DLAT: variants seen among roughly 807,000 people sequenced by gnomAD.
The protein encoded by DLAT is dihydrolipoyllysine-residue acetyltransferase component of pyruvate dehydrogenase complex, mitochondrial.
DLAT carries 43 observed loss-of-function variants against 68.0 expected under a neutral mutation model. The observed-to-expected ratio is 0.63, with a 90% CI of 0.50 to 0.81. The LOEUF is 0.81. Ranked by LOEUF, DLAT falls within the 40% of genes least tolerant of loss-of-function variation. DLAT has a pLI of 0.00. For missense variants in DLAT, 745 were observed against 815.4 expected (o/e 0.91, Z 1.05); for synonymous variants, 265 against 288.6 (o/e 0.92, Z 0.83).
At chr11:112,030,533 G>A (rs1862336806) in intron 4 of DLAT, among the ~76,000 whole-genome samples, 1 of 152,186 alleles carries the variant, frequency 6.6e-6, no homozygotes, top group Admixed American at 6.5e-5. Flanking sequence ...AGTGGGTGAA[G>A]TAGTCCAATA....
At chr11:112,046,065 A>G (rs779009946) in intron 10 of DLAT, 95 bp downstream of exon 10, 42 of 728,984 alleles carry the variant, frequency 5.8e-5, no homozygotes, top group Middle Eastern at 3.7e-4. Context: ...TTGTTACAAT[A>G]TATCAGTTGG....
Position 112,064,372 on chromosome 11 carries a change from T to C in DLAT, c.*1837T>C. 1.6e-6 allele frequency: 1 copy of C among 634,246 alleles called. No individual in the cohort carries two copies. 39.3% of individuals were successfully genotyped at this position (634,246 alleles called of 1,614,324 possible). ...TTTGGTTCATATGATTATTTAAAAA[T>C]TAAAGTATAAATCTTCAATATGTCT... On this transcript the variant is annotated 3_prime_UTR_variant, in exon 14 of 14. Transcript: ENST00000280346.
Position 112,051,202 on chromosome 11 carries a change from AGAAG to A in DLAT, c.1399-31_1399-28del. 7.1e-7 allele frequency: 1 copy of A among 1,410,730 alleles called. No homozygotes were observed. The highest frequency in any genetic ancestry group is 9.8e-7 in the Non-Finnish European group (1 of 1,015,852). 87.4% of individuals were successfully genotyped at this position (1,410,730 alleles called of 1,614,324 possible). A position where few individuals can be genotyped will look rare whatever the true frequency, so the allele number is the denominator to read the frequency against. ...TTAAAATTAAAATTAAAATTAAAAA[AGAAG>A]AAACTACAGTTCTTCTTGTCTTTCC... On this transcript the variant is annotated intron_variant, in intron 10 of 13. Transcript: ENST00000280346. This position sits in a 1 kb window ranked among gnomAD's most constrained non-coding sequence, Gnocchi z 4.3.
In DLAT at chr11:112,033,523, C is replaced by T; in HGVS notation, c.780C>T (p.Ala260=). ...DLLAEIETDK[A]TIGFEVQEEG... Reference sequence around the variant, plus strand: ...TGGCAGAGATAGAAACTGACAAAGCCACTATAGGTGAGATTTCTTCAGCTC... The same window carrying T: ...TGGCAGAGATAGAAACTGACAAAGCTACTATAGGTGAGATTTCTTCAGCTC... Residue 260 remains alanine (A), a synonymous_variant, in exon 5 of 14, where the codon GCC becomes GCT. Coordinates refer to ENST00000280346, the MANE Select transcript of DLAT (RefSeq NM_001931.5). 1 of 1,613,694 alleles carries T rather than the reference C, an allele frequency of 6.2e-7. No homozygotes were observed. Among genetic ancestry groups the T allele is most frequent in the Non-Finnish European group, 8.5e-7 (1 of 1,179,792 alleles).
Position 112,025,771 on chromosome 11 carries a change from T to C in DLAT, c.279+20T>C. 6.2e-7 allele frequency: 1 copy of C among 1,612,544 alleles called. No individual in the cohort carries two copies. Among genetic ancestry groups the C allele is most frequent in the Non-Finnish European group, 8.5e-7 (1 of 1,179,760 alleles). ...CAGAAGGTGAGCCCTAGACCCCCCT[T>C]CTCGGGACCCCGTTGTCCTTCAGAG... On this transcript the variant is annotated intron_variant, in intron 1 of 13. Coordinates refer to ENST00000280346, the MANE Select transcript of DLAT (RefSeq NM_001931.5).
chr11:112,064,299 G>A lies in DLAT; in HGVS notation c.*1764G>A, dbSNP rs1555183623. The A allele has an allele frequency of 3.2e-5, 40 of 1,241,204 alleles. No individual in the cohort carries two copies. The highest frequency in any genetic ancestry group is 4.3e-5 in the Non-Finnish European group (39 of 917,310). 76.9% of individuals were successfully genotyped at this position (1,241,204 alleles called of 1,614,324 possible). A position where few individuals can be genotyped will look rare whatever the true frequency, so the allele number is the denominator to read the frequency against. ...ATTAATCTGAGCTATAATCTAAATCGATTCAGTCTCTTACCAGAACTGAAA... is the reference window on the plus strand; with the variant it reads ...ATTAATCTGAGCTATAATCTAAATCAATTCAGTCTCTTACCAGAACTGAAA... On this transcript the variant is annotated 3_prime_UTR_variant, in exon 14 of 14. Transcript: ENST00000280346.
intron 4 of DLAT, chr11:112,029,862 C>T (rs2137706061): frequency 3.3e-6 from 2 of 615,348 alleles, no homozygotes; most frequent in Non-Finnish European, 3.2e-6. Flanking sequence ...TTGAGATCAC[C>T]ACAGTAGTTT....
At chr11:112,035,066 G>A (rs1176414839) in intron 5 of DLAT, among the ~76,000 whole-genome samples, 3 of 152,024 alleles carry the variant, frequency 2.0e-5, no homozygotes, top group Admixed American at 6.6e-5. Context: ...ATAAGCCACC[G>A]CACCCAGCCT....
At position 112,062,660 on chromosome 11, in the gene DLAT, G is replaced by A; in HGVS notation, c.*125G>A. On this transcript the variant is annotated 3_prime_UTR_variant, in exon 14 of 14. Transcript: ENST00000280346. ...TTATTTTTATTATTGAGTCTGTCCAGATAAGTTATTTATAATGGGCATTAC... is the reference window on the plus strand; with the variant it reads ...TTATTTTTATTATTGAGTCTGTCCAAATAAGTTATTTATAATGGGCATTAC... 8.6e-7 allele frequency: 1 copy of A among 1,166,490 alleles called. No homozygotes were observed. The highest frequency in any genetic ancestry group is 1.4e-5 in the South Asian group (1 of 73,660). 72.3% of individuals were successfully genotyped at this position (1,166,490 alleles called of 1,614,324 possible). A position where few individuals can be genotyped will look rare whatever the true frequency, so the allele number is the denominator to read the frequency against.
chr11:112,026,699 C>T (rs1440812099), intron 2 of DLAT, among the ~76,000 whole-genome samples: 1 of 152,176 alleles, frequency 6.6e-6, no homozygotes, highest in South Asian at 2.1e-4. Context: ...AATGAAAAGT[C>T]TCCCATGTCT....
At position 112,050,651 on chromosome 11, in the gene DLAT, C is replaced by T. The variant is rs1442729969; in HGVS notation, c.1399-583C>T. On this transcript the variant is annotated intron_variant, in intron 10 of 13. Transcript: ENST00000280346. ...ATAGTATTCCCTATAATTCTTTTTA[C>T]TTCTGTAAGGTAGATAGTAATGTCC... 4.6e-5 allele frequency among the ~76,000 whole-genome samples: 7 copies of T among 152,198 alleles called. No homozygotes were observed. In the East Asian group the frequency reaches 1.2e-3, roughly 25 times the overall value.
Position 112,050,274 on chromosome 11 carries a change from G to A in DLAT, c.1399-960G>A, listed in dbSNP as rs142559272. 2.8e-3 allele frequency among the ~76,000 whole-genome samples: 420 copies of A among 150,084 alleles called. 2 individuals carry two copies. The highest frequency in any genetic ancestry group is 9.5e-3 in the African/African-American group (388 of 41,000). On this transcript the variant is annotated intron_variant, in intron 10 of 13. Coordinates refer to ENST00000280346, the MANE Select transcript of DLAT (RefSeq NM_001931.5). ...ATATTGCTGGATTTTATTTGCTAGC[G>A]TTTTGTTGAAGATTTTTACATCTAT...
In DLAT at chr11:112,057,439, T is replaced by C. The variant is rs372629494; in HGVS notation, c.1515-2464T>C. 1.2e-3 allele frequency among the ~76,000 whole-genome samples: 185 copies of C among 152,274 alleles called. 4 individuals carry two copies. In the South Asian group the frequency reaches 0.022, roughly 18 times the overall value. On this transcript the variant is annotated intron_variant, in intron 11 of 13. Coordinates refer to ENST00000280346, the MANE Select transcript of DLAT (RefSeq NM_001931.5). ...CCTCTTGTGCCAAACAGCCAACTTG[T>C]GAATACAAAGAAAAAGCTCTTGAAA...
At position 112,062,710 on chromosome 11, in the gene DLAT, C is replaced by G. The variant is rs1385152811; in HGVS notation, c.*175C>G. 6 of 701,990 alleles carry G rather than the reference C, an allele frequency of 8.5e-6. No homozygotes were observed. In the East Asian group the frequency reaches 1.8e-4, roughly 20 times the overall value. 43.5% of individuals were successfully genotyped at this position (701,990 alleles called of 1,614,324 possible). A position where few individuals can be genotyped will look rare whatever the true frequency, so the allele number is the denominator to read the frequency against. The stretch of plus-strand genomic sequence containing the variant: ...CTGAATTTTTAAAATGCCGATTACA[C>G]CCAAATATTGTGCACATTTAATAAT... On this transcript the variant is annotated 3_prime_UTR_variant, in exon 14 of 14. Transcript: ENST00000280346.
At chr11:112,034,439 T>A (rs1410919771) in intron 5 of DLAT, among the ~76,000 whole-genome samples, 1 of 151,440 alleles carries the variant, frequency 6.6e-6, no homozygotes, top group African/African-American at 2.4e-5. Context: ...ATATATTTAT[T>A]ATTATTATTT....
Position 112,043,512 on chromosome 11 carries a change from T to C in DLAT, c.1176T>C (p.Phe392=), listed in dbSNP as rs999942925. ...TCACCAAGAAGGATATCGACTCTTT[T>C]GTGCCTAGTAAAGTTGCTCCTGTGA... is the stretch of plus-strand genomic sequence containing the variant. The part of the protein sequence containing the change: ...GRITKKDIDS[F]VPSKVAPAPA... The change falls in exon 8 of 14, where the codon TTT becomes TTC. Residue 392 remains phenylalanine, a synonymous_variant. Transcript: ENST00000280346. The C allele has an allele frequency of 1.2e-6, 2 of 1,614,184 alleles. No individual in the cohort carries two copies. The highest frequency in any genetic ancestry group is 1.1e-5 in the South Asian group (1 of 91,090).
chr11:112,043,383 C>A, intron 7 of DLAT, 83 bp from the exon 8 acceptor site: 3 of 1,287,002 alleles, frequency 2.3e-6, no homozygotes, highest in Non-Finnish European at 3.4e-6. Flanking sequence ...CCCTTAGGAG[C>A]TTGCAGTTTA....
chr11:112,032,358 G>T (rs587602625), intron 4 of DLAT: 2 of 151,658 alleles, frequency 1.3e-5, no homozygotes, highest in South Asian at 4.2e-4. Context: ...TGTATATATT[G>T]TGGAATGGCT....
chr11:112,055,304 C>T lies in DLAT; in HGVS notation c.1514+3955C>T, dbSNP rs187655085. ...TGTCGCCCAGGCTGGAGTGCAGTGGCGCAATCTCGGCTCACTGCAACCTCC... is the reference window on the plus strand; with the variant it reads ...TGTCGCCCAGGCTGGAGTGCAGTGGTGCAATCTCGGCTCACTGCAACCTCC... On this transcript the variant is annotated intron_variant, in intron 11 of 13. Coordinates refer to ENST00000280346, the MANE Select transcript of DLAT (RefSeq NM_001931.5). 4.5e-3 allele frequency among the ~76,000 whole-genome samples: 574 copies of T among 127,698 alleles called. 3 individuals carry two copies. The highest frequency in any genetic ancestry group is 0.016 in the African/African-American group (545 of 34,576). 83.8% of individuals were successfully genotyped at this position (127,698 alleles called of 152,430 possible).
Sources: gnomAD v4.1 joint callset for allele counts (sites outside exome capture counted in the v4.1 genomes callset) on GRCh38, gnomAD v4.1.1 for gene constraint, Gnocchi (gnomAD v3.1) non-coding constraint, MANE v1.5 for transcripts, NCBI Gene and HGNC (gene_info 2026-07-23, HGNC 2026-07-21) for gene names.